Variants in RSF1 observed in about 807,000 individuals in gnomAD.
The protein encoded by RSF1 is HBV pX-associated protein 8.
RSF1 carries 13 observed loss-of-function variants against 145.2 expected under a neutral mutation model. That is an observed-to-expected ratio of 0.09 (90% CI 0.06 to 0.14). The LOEUF (loss-of-function observed/expected upper bound fraction) is 0.14, where lower values mean the gene tolerates loss of function less well. Ranked by LOEUF, RSF1 falls within the 10% of genes least tolerant of loss-of-function variation. RSF1 has a pLI of 1.00. For missense variants in RSF1, 1,517 were observed against 1,718.2 expected, an observed-to-expected ratio of 0.88 and a Z score of 2.07; for synonymous variants, 577 against 592.6, an observed-to-expected ratio of 0.97 and a Z score of 0.38.
chr11:77,790,360 C>T (rs1363515938), intron 1 of RSF1, among the ~76,000 whole-genome samples: 1 of 152,076 alleles, frequency 6.6e-6, no homozygotes, highest in Non-Finnish European at 1.5e-5. Flanking sequence ...AAGACCTGCC[C>T]TCATGTTTCA....
chr11:77,711,241 T>C (rs1164504175), intron 5 of RSF1, among the ~76,000 whole-genome samples: 2 of 152,128 alleles, frequency 1.3e-5, no homozygotes, highest in African/African-American at 2.4e-5. Flanking sequence ...TTTCCCACAC[T>C]GAAAATCTTG....
the RSF1 span, among the ~76,000 whole-genome samples, chr11:77,831,694 C>CTT: frequency 4.2e-4 from 57 of 135,980 alleles, no homozygotes; most frequent in East Asian, 5.6e-3. Context: ...ACTTAGGTAT[C>CTT]TTTTTTTTTT....
the RSF1 span, among the ~76,000 whole-genome samples, chr11:77,853,222 T>A: frequency 2.0e-5 from 3 of 152,224 alleles, no homozygotes; most frequent in Non-Finnish European, 4.4e-5. Context: ...GTGAACAGTA[T>A]TTGTATTAGT....
chr11:77,787,841 A>C (rs964562135), intron 1 of RSF1, among the ~76,000 whole-genome samples: 4 of 151,788 alleles, frequency 2.6e-5, no homozygotes, highest in Admixed American at 2.6e-4. Context: ...AGTAAAAAAA[A>C]AAAAAAGTTC....
At chr11:77,837,904 A>G in the RSF1 span, among the ~76,000 whole-genome samples, 1 of 152,160 alleles carries the variant, frequency 6.6e-6, no homozygotes, top group Non-Finnish European at 1.5e-5. Flanking sequence ...ATAAATAAAT[A>G]AATAAATAAA....
rs1959717185 is a variant in RSF1, at chr11:77,676,814, C to T, written c.3319G>A (p.Asp1107Asn). The change falls in exon 13 of 16, where the codon GAT becomes AAT. Residue 1107 changes from aspartate to asparagine, a missense_variant. Physicochemically the swap from Asp to Asn is conservative, Grantham distance 23. This residue lies in a region of RSF1 where 231 missense variants were observed against 276.6 expected (regional missense o/e 0.84). Transcript: ENST00000308488. ...DSNLDEEESE[D>N]EFKISDGSQD... ...CACCCATCACTGATCTTGAATTCATCCTCGCTCTCTTCTTCATCCAGGTTG... is the reference window on the plus strand; with the variant it reads ...CACCCATCACTGATCTTGAATTCATTCTCGCTCTCTTCTTCATCCAGGTTG... 6.2e-7 allele frequency: 1 copy of T among 1,613,508 alleles called. No individual in the cohort carries two copies. Among genetic ancestry groups the T allele is most frequent in the Non-Finnish European group, 8.5e-7 (1 of 1,179,690 alleles).
intron 4 of RSF1, among the ~76,000 whole-genome samples, chr11:77,727,280 T>C (rs1961077620): frequency 2.0e-5 from 3 of 152,208 alleles, no homozygotes; most frequent in East Asian, 1.9e-4. Context: ...TCATATTCCA[T>C]TGAGAATTCC....
intron 5 of RSF1, among the ~76,000 whole-genome samples, chr11:77,708,146 A>T (rs1346887825): frequency 6.6e-6 from 1 of 152,230 alleles, no homozygotes; most frequent in Non-Finnish European, 1.5e-5. Context: ...TTGGCCAGGC[A>T]TGTTGGCTCA....
chr11:77,787,861 G>A (rs1948472993), intron 1 of RSF1, among the ~76,000 whole-genome samples: 1 of 142,144 alleles, frequency 7.0e-6, no homozygotes, highest in African/African-American at 2.7e-5. Flanking sequence ...CGAGTGCTGT[G>A]ACTCACACCT....
At chr11:77,783,628 G>A (rs968938815) in intron 1 of RSF1, among the ~76,000 whole-genome samples, 1 of 152,090 alleles carries the variant, frequency 6.6e-6, no homozygotes, top group Non-Finnish European at 1.5e-5. Context: ...GATTGCTTGA[G>A]CCCAGGAGTT....
At chr11:77,736,679 C>T (rs1961360674) in intron 4 of RSF1, among the ~76,000 whole-genome samples, 1 of 152,158 alleles carries the variant, frequency 6.6e-6, no homozygotes, top group Non-Finnish European at 1.5e-5. Flanking sequence ...TGTCATAGAA[C>T]ATCTCACTTA....
At chr11:77,821,012 AAAC>A (rs1948872644), upstream of RSF1, 1 of 481,902 alleles carries the variant, frequency 2.1e-6, no homozygotes, top group Non-Finnish European at 3.7e-6. Context: ...GGGGGAATGA[AAAC>A]AAGGGAAGCG....
rs868537711 is a variant in RSF1, at chr11:77,675,122, C to T, written c.3476G>A (p.Ser1159Asn). ...RRHPSRPMRQ[S>N]RRLRRKTPKK... is the part of the protein sequence containing the mutation. ...TGGGGTCTTTCTTCGCAAACGCCTG[C>T]TCTGCCTCATTGGCCGAGAGGGGTG... Residue 1159 changes from serine (S) to asparagine (N), a missense_variant, in exon 14 of 16, where the codon AGC (serine) becomes AAC (asparagine). Ser to Asn is a conservative substitution (Grantham distance 46). Around this residue, in one of 12 missense-constraint regions of RSF1, gnomAD observed 231 missense variants for 276.6 expected, o/e 0.84. Transcript: ENST00000308488. The T allele has an allele frequency of 6.2e-7, 1 of 1,614,164 alleles. No individual in the cohort carries two copies. Among genetic ancestry groups the T allele is most frequent in the Non-Finnish European group, 8.5e-7 (1 of 1,180,032 alleles).
At chr11:77,790,935 A>G (rs1948511105) in intron 1 of RSF1, among the ~76,000 whole-genome samples, 1 of 152,130 alleles carries the variant, frequency 6.6e-6, no homozygotes, top group Non-Finnish European at 1.5e-5. Context: ...TTTTCCAGGC[A>G]CATGGTGCAA....
At chr11:77,769,871 A>G (rs931273005) in intron 1 of RSF1, among the ~76,000 whole-genome samples, 21 of 152,254 alleles carry the variant, frequency 1.4e-4, no homozygotes, top group Admixed American at 9.8e-4. Context: ...ACAGTTATGG[A>G]AACAGTTGAC....
intron 5 of RSF1, among the ~76,000 whole-genome samples, chr11:77,708,868 A>C (rs1040530220): frequency 1.3e-5 from 2 of 152,208 alleles, no homozygotes; most frequent in African/African-American, 4.8e-5. Context: ...ACAGACCAGC[A>C]AACTTTCTAT....
At chr11:77,725,733 C>T in intron 4 of RSF1, 34 bp from the exon 5 acceptor site, 1 of 1,500,398 alleles carries the variant, frequency 6.7e-7, no homozygotes, top group Non-Finnish European at 8.9e-7. Flanking sequence ...AGCATAAAAA[C>T]CTTTTTCCTG....
intron 5 of RSF1, among the ~76,000 whole-genome samples, chr11:77,723,175 G>C (rs565604966): frequency 2.0e-5 from 3 of 152,144 alleles, no homozygotes; most frequent in Non-Finnish European, 4.4e-5. Context: ...ATTATTATGC[G>C]TGGCTGGGCA....
At chr11:77,803,035 AT>A (rs1214859325) in intron 1 of RSF1, among the ~76,000 whole-genome samples, 1 of 152,100 alleles carries the variant, frequency 6.6e-6, no homozygotes, top group Non-Finnish European at 1.5e-5. Flanking sequence ...CTATGAACAA[AT>A]GGGACGGGAT....
Sources: allele counts gnomAD v4.1 joint callset (sites outside exome capture counted in the v4.1 genomes callset), GRCh38; gene constraint gnomAD v4.1.1; regional missense constraint gnomAD v4.1.1; transcripts MANE v1.5; gene names NCBI Gene and HGNC (gene_info 2026-07-23, HGNC 2026-07-21).